The following PARN variants were observed in gnomAD, a reference collection of about 807,000 sequenced individuals.
The protein encoded by PARN is poly(A)-specific ribonuclease PARN.
PARN carries 71 observed loss-of-function variants against 102.8 expected under a neutral mutation model. The ratio of observed to expected loss-of-function variants is 0.69; its 90% CI spans 0.57 to 0.84. PARN has a LOEUF of 0.84. Ranked by LOEUF, PARN falls within the 40% of genes least tolerant of loss-of-function variation. The probability of loss-of-function intolerance (pLI) is 0.00; values close to 1 mark genes in which losing one functional copy is unlikely to be tolerated. For synonymous variants in PARN, 261 were observed against 252.9 expected (o/e 1.03, Z -0.30); for missense variants, 782 against 760.9 (o/e 1.03, Z -0.33).
At chr16:14,516,121 C>T (rs1167985399) in intron 21 of PARN, among the ~76,000 whole-genome samples, 2 of 151,458 alleles carry the variant, frequency 1.3e-5, no homozygotes, top group Non-Finnish European at 2.9e-5. Flanking sequence ...AATAAAAAAA[C>T]ACAACTTGCC....
In PARN at chr16:14,554,005, G is replaced by C. The variant is rs868045353; in HGVS notation, c.1405+60C>G. ...AGGCCAAAACTATCTTTCTACTTCT[G>C]ACCACCTATACCAAATGAATAGCAA... On this transcript the variant is annotated intron_variant, in intron 20 of 23. Coordinates refer to ENST00000437198, the MANE Select transcript of PARN (RefSeq NM_002582.4). 5.8e-6 allele frequency: 6 copies of C among 1,035,310 alleles called. No homozygotes were observed. The East Asian group carries it at 1.5e-4, about 26-fold the overall frequency. 64.1% of individuals were successfully genotyped at this position (1,035,310 alleles called of 1,614,324 possible).
intron 21 of PARN, among the ~76,000 whole-genome samples, chr16:14,490,882 C>T (rs1964023486): frequency 6.6e-6 from 1 of 152,094 alleles, no homozygotes; most frequent in Non-Finnish European, 1.5e-5. Context: ...AGGGTTTTAT[C>T]AGATTTTGCA....
intron 22 of PARN, among the ~76,000 whole-genome samples, chr16:14,463,822 T>C (rs2151575710): frequency 7.7e-6 from 1 of 129,314 alleles, no homozygotes; most frequent in East Asian, 2.6e-4. Flanking sequence ...TTGAAAAAAG[T>C]CCAAACTTTT....
At chr16:14,508,695 A>T (rs1965027934) in intron 21 of PARN, among the ~76,000 whole-genome samples, 1 of 151,632 alleles carries the variant, frequency 6.6e-6, no homozygotes, top group South Asian at 2.1e-4. Flanking sequence ...AATTTCCAAC[A>T]TTTGATAGAA....
At chr16:14,457,912 G>A (rs2151569272) in intron 22 of PARN, among the ~76,000 whole-genome samples, 1 of 138,716 alleles carries the variant, frequency 7.2e-6, no homozygotes, top group Non-Finnish European at 1.6e-5. Context: ...AGGGGTGTGT[G>A]TGTGGGGGTG....
At chr16:14,613,038 G>A (rs1049883694) in intron 6 of PARN, among the ~76,000 whole-genome samples, 23 of 151,716 alleles carry the variant, frequency 1.5e-4, no homozygotes, top group African/African-American at 4.1e-4. Context: ...GACGGGGCGC[G>A]GTGGCTCACG....
intron 21 of PARN, among the ~76,000 whole-genome samples, chr16:14,524,340 G>C (rs1423245674): frequency 6.6e-6 from 1 of 152,158 alleles, no homozygotes; most frequent in African/African-American, 2.4e-5. Flanking sequence ...CGGCGGTTTA[G>C]ATCATCAAGA....
chr16:14,490,834 G>C (rs534579148), intron 21 of PARN, among the ~76,000 whole-genome samples: 153 of 152,246 alleles, frequency 1.0e-3, no homozygotes, highest in African/African-American at 3.4e-3. Flanking sequence ...ATTTACAACA[G>C]ATGGACAGCC....
In PARN at chr16:14,613,459, C is replaced by T. The variant is rs370214569; in HGVS notation, c.389-2650G>A. ...CAATATGGTAAAACCCTCTCTCTAC[C>T]AAAAAGTACAAAAATTTGCCACGCG... On this transcript the variant is annotated intron_variant, in intron 6 of 23. Transcript: ENST00000437198. 4.0e-5 allele frequency among the ~76,000 whole-genome samples: 6 copies of T among 151,610 alleles called. No homozygotes were observed. The South Asian group carries it at 6.3e-4, about 16-fold the overall frequency.
chr16:14,624,983 A>G (rs1357327142), intron 5 of PARN, among the ~76,000 whole-genome samples: 1 of 151,994 alleles, frequency 6.6e-6, no homozygotes, highest in South Asian at 2.1e-4. Context: ...CCGGGGCTTT[A>G]GCCTGGGCAA....
intron 7 of PARN, among the ~76,000 whole-genome samples, 174 bp downstream of exon 7, chr16:14,610,470 C>CAAA (rs554927448): frequency 1.5e-4 from 14 of 91,320 alleles, no homozygotes; most frequent in Non-Finnish European, 2.1e-4. Flanking sequence ...AAGACTGTCT[C>CAAA]AAAAAAAAAA....
intron 8 of PARN, among the ~76,000 whole-genome samples, 172 bp from the exon 9 acceptor site, chr16:14,608,491 T>C (rs1971329260): frequency 6.6e-6 from 1 of 152,204 alleles, no homozygotes; most frequent in African/African-American, 2.4e-5. Flanking sequence ...TCCTCATCAC[T>C]TGTCTTCTAA....
chr16:14,580,485 T>C (rs112654928), intron 18 of PARN, among the ~76,000 whole-genome samples: 33,700 of 151,608 alleles, frequency 0.22, 4,174 homozygotes, highest in Middle Eastern at 0.31. Flanking sequence ...ACGAGTTTCA[T>C]CATGTTGGCC....
chr16:14,565,503 CATTAA>C (rs1294767967), intron 18 of PARN, among the ~76,000 whole-genome samples: 2 of 151,066 alleles, frequency 1.3e-5, no homozygotes, highest in African/African-American at 2.4e-5. Context: ...CAACTAAAAA[CATTAA>C]ATTAAACATT....
Position 14,436,731 on chromosome 16 carries a change from G to A in PARN, c.1906C>T (p.Pro636Ser), listed in dbSNP as rs1156331990. The stretch of plus-strand genomic sequence containing the variant: ...TCAGGTCTTGGTTACCATGTGTCAG[G>A]AACTTCAAAGAGTGTGGCAGGGCTG... ...KNSPATLFEV[P>S]DTW is the part of the protein sequence containing the mutation. The change falls in exon 24 of 24, where the codon CCT (proline) becomes TCT (serine). Residue 636 changes from proline (P) to serine (S), a missense_variant. Transcript: ENST00000437198. 6.2e-7 allele frequency: 1 copy of A among 1,601,192 alleles called. No individual in the cohort carries two copies. Among genetic ancestry groups the A allele is most frequent in the Non-Finnish European group, 8.5e-7 (1 of 1,173,912 alleles).
At chr16:14,437,661 T>G (rs1960761297) in intron 23 of PARN, among the ~76,000 whole-genome samples, 1 of 152,178 alleles carries the variant, frequency 6.6e-6, no homozygotes, top group Non-Finnish European at 1.5e-5. Context: ...GCTGCACAAG[T>G]GGTGCCATGC....
chr16:14,442,804 C>T (rs1961004444), intron 23 of PARN, among the ~76,000 whole-genome samples: 2 of 152,190 alleles, frequency 1.3e-5, no homozygotes, highest in South Asian at 4.1e-4. Flanking sequence ...GACAGGGTTT[C>T]GCCATGTTGG....
intron 21 of PARN, among the ~76,000 whole-genome samples, chr16:14,509,869 T>C (rs1241585798): frequency 5.9e-5 from 9 of 152,230 alleles, no homozygotes; most frequent in Admixed American, 4.6e-4. Flanking sequence ...GTCCTTGTTA[T>C]TGCTTTGGAT....
intron 23 of PARN, among the ~76,000 whole-genome samples, chr16:14,445,784 G>C (rs540271326): frequency 6.6e-6 from 1 of 152,270 alleles, no homozygotes; most frequent in South Asian, 2.1e-4. Flanking sequence ...TGCTGGTCTT[G>C]AACTCCTGAC....
Sources: gnomAD v4.1 joint callset for allele counts (sites outside exome capture counted in the v4.1 genomes callset) on GRCh38, gnomAD v4.1.1 for gene constraint, MANE v1.5 for transcripts, NCBI Gene and HGNC (gene_info 2026-07-23, HGNC 2026-07-21) for gene names.